Variants in FAM81A observed in about 807,000 individuals in gnomAD.
The protein encoded by FAM81A is family with sequence similarity 81 member A.
In FAM81A, 19 loss-of-function variants were observed where a neutral mutation model predicts 46.7. That is an observed-to-expected ratio of 0.41 (90% confidence interval 0.28 to 0.60). The LOEUF (loss-of-function observed/expected upper bound fraction) is 0.60, where lower values mean the gene tolerates loss of function less well. FAM81A is among the 20% of genes least tolerant of loss of function. The pLI is 0.34. For synonymous variants in FAM81A, 183 were observed against 152.9 expected (o/e 1.20, Z -1.45); for missense variants, 377 against 453.5 (o/e 0.83, Z 1.53).
chr15:59,409,526 C>G (rs78333646), intron 2 of FAM81A, among the ~76,000 whole-genome samples: 103 of 152,270 alleles, frequency 6.8e-4, no homozygotes, highest in African/African-American at 2.3e-3. Context: ...GCCCAGACTC[C>G]TTGAAGAGGT....
At chr15:59,515,940 CT>C in intron 7 of FAM81A, among the ~76,000 whole-genome samples, 2 of 152,274 alleles carry the variant, frequency 1.3e-5, no homozygotes, top group East Asian at 3.9e-4. Flanking sequence ...TCCAGTTTAA[CT>C]TTTTGCCAAC....
chr15:59,454,672 C>T (rs2081461112), intron 1 of FAM81A, among the ~76,000 whole-genome samples: 1 of 152,146 alleles, frequency 6.6e-6, no homozygotes, highest in South Asian at 2.1e-4. Context: ...GTCACCCAGG[C>T]TAGAGTGCAG....
chr15:59,504,865 C>G (rs1054290575), intron 4 of FAM81A, among the ~76,000 whole-genome samples: 1 of 152,150 alleles, frequency 6.6e-6, no homozygotes, highest in Non-Finnish European at 1.5e-5. Context: ...GGTTACTTCT[C>G]TTTAGTCTGT....
At chr15:59,423,158 C>T (rs561832481) in intron 2 of FAM81A, among the ~76,000 whole-genome samples, 73 of 152,088 alleles carry the variant, frequency 4.8e-4, no homozygotes, top group Admixed American at 1.1e-3. Context: ...AGTGCAGTGG[C>T]GCGATCTCGG....
intron 3 of FAM81A, among the ~76,000 whole-genome samples, chr15:59,464,729 G>A (rs1338808962): frequency 6.6e-6 from 1 of 152,204 alleles, no homozygotes; most frequent in Non-Finnish European, 1.5e-5. Context: ...TATTGGATGA[G>A]TAGTTTGCAG....
At chr15:59,446,549 C>T (rs757335086) in intron 1 of FAM81A, 2 of 152,242 alleles carry the variant, frequency 1.3e-5, no homozygotes, top group Admixed American at 1.3e-4. Flanking sequence ...ACCCCTCACC[C>T]TTCTACCTCC....
At position 59,514,369 on chromosome 15, in the gene FAM81A, A is replaced by G; in HGVS notation, c.731A>G (p.Glu244Gly). 1 of 1,613,874 alleles carries G rather than the reference A, an allele frequency of 6.2e-7. No homozygotes were observed. Among genetic ancestry groups the G allele is most frequent in the Non-Finnish European group, 8.5e-7 (1 of 1,179,828 alleles). Residue 244 changes from glutamate to glycine, a missense_variant, in exon 7 of 9, where the codon GAA (glutamate) becomes GGA (glycine). Transcript: ENST00000288228. ...TTGCAACAGGAACAAGAACGGATAG[A>G]AAAAGAGCTTTTACAGAAAATTGAT... is the stretch of plus-strand genomic sequence containing the variant. ...SWLQQEQERI[E>G]KELLQKIDQL...
chr15:59,417,587 C>G (rs557084946), intron 2 of FAM81A, among the ~76,000 whole-genome samples: 1 of 151,652 alleles, frequency 6.6e-6, no homozygotes, highest in Admixed American at 6.6e-5. Context: ...TAATGGTGCA[C>G]GCCTGTAATC....
intron 3 of FAM81A, among the ~76,000 whole-genome samples, chr15:59,486,759 AT>A (rs1179063735): frequency 6.6e-6 from 1 of 152,216 alleles, no homozygotes; most frequent in Non-Finnish European, 1.5e-5. Context: ...AAAACTTAGC[AT>A]AAAACCTACC....
At chr15:59,428,124 T>A (rs2081203065) in intron 2 of FAM81A, among the ~76,000 whole-genome samples, 1 of 152,228 alleles carries the variant, frequency 6.6e-6, no homozygotes. Context: ...TGTCTCACTG[T>A]AGTTTTGATT....
intron 3 of FAM81A, among the ~76,000 whole-genome samples, chr15:59,484,370 C>A (rs2081891637): frequency 6.6e-6 from 1 of 151,288 alleles, no homozygotes; most frequent in Non-Finnish European, 1.5e-5. Context: ...CAACTGTCTA[C>A]AAAATAAAGC....
At chr15:59,490,007 A>G (rs1437672005) in intron 3 of FAM81A, among the ~76,000 whole-genome samples, 1 of 152,218 alleles carries the variant, frequency 6.6e-6, no homozygotes, top group Non-Finnish European at 1.5e-5. Flanking sequence ...CCAGTATACA[A>G]TAGTTGTGTT....
intron 2 of FAM81A, chr15:59,407,847 C>T: frequency 4.3e-6 from 1 of 232,118 alleles, no homozygotes; most frequent in South Asian, 5.9e-5. Context: ...CTGGTCTGTA[C>T]TAGTGGGCCA....
chr15:59,481,747 C>T (rs2081853517), intron 3 of FAM81A, among the ~76,000 whole-genome samples: 1 of 151,726 alleles, frequency 6.6e-6, no homozygotes, highest in South Asian at 2.1e-4. Flanking sequence ...ACTAGAGTTA[C>T]TGGGTCAAAG....
At chr15:59,424,004 G>A (rs563600249) in intron 2 of FAM81A, among the ~76,000 whole-genome samples, 2 of 152,238 alleles carry the variant, frequency 1.3e-5, no homozygotes, top group East Asian at 3.9e-4. Flanking sequence ...CTTCTTGAAA[G>A]CATTGCCTGT....
intron 2 of FAM81A, among the ~76,000 whole-genome samples, chr15:59,423,048 C>G (rs1442011350): frequency 6.6e-6 from 1 of 152,072 alleles, no homozygotes; most frequent in Non-Finnish European, 1.5e-5. Flanking sequence ...ATTTTCTTTT[C>G]CAATCCTCAC....
At chr15:59,455,536 C>A (rs1174194288) in intron 1 of FAM81A, among the ~76,000 whole-genome samples, 1 of 152,190 alleles carries the variant, frequency 6.6e-6, no homozygotes, top group Non-Finnish European at 1.5e-5. Flanking sequence ...TATTCATCTG[C>A]AATATAGATT....
At chr15:59,438,058 G>T (rs1336555232), upstream of FAM81A, 8 of 149,098 alleles carry the variant, frequency 5.4e-5, no homozygotes, top group African/African-American at 1.5e-4. Context: ...CAGGCAACGC[G>T]CCCGGAAGCG....
intron 3 of FAM81A, among the ~76,000 whole-genome samples, chr15:59,473,955 G>C (rs868067107): frequency 1.3e-5 from 2 of 152,152 alleles, no homozygotes; most frequent in African/African-American, 2.4e-5. Flanking sequence ...GGGATTACAG[G>C]CATAAGCTAC....
Sources: gnomAD v4.1 joint callset for allele counts (sites outside exome capture counted in the v4.1 genomes callset) on GRCh38, gnomAD v4.1.1 for gene constraint, MANE v1.5 for transcripts, NCBI Gene and HGNC (gene_info 2026-07-23, HGNC 2026-07-21) for gene names.